The following SV2C variants were observed in gnomAD, a reference collection of about 807,000 sequenced individuals.
The protein encoded by SV2C is synaptic vesicle glycoprotein 2C.
A neutral mutation model predicts 79.7 loss-of-function variants in SV2C; 49 were observed. That is an observed-to-expected ratio of 0.61 (90% CI 0.49 to 0.78). The LOEUF (loss-of-function observed/expected upper bound fraction) is 0.78, where lower values mean the gene tolerates loss of function less well. Among genes scored for constraint, SV2C ranks in the 30% least tolerant of loss-of-function variants. The pLI is 0.00. For missense variants in SV2C, 833 were observed against 912.9 expected, an observed-to-expected ratio of 0.91 and a Z score of 1.13; for synonymous variants, 334 against 333.2, an observed-to-expected ratio of 1.00 and a Z score of -0.03.
chr5:76,165,230 C>T (rs955776361), intron 2 of SV2C, among the ~76,000 whole-genome samples: 1 of 152,122 alleles, frequency 6.6e-6, no homozygotes, highest in Non-Finnish European at 1.5e-5. Flanking sequence ...CAGCTTCCCC[C>T]AATGATAATA....
intron 4 of SV2C, among the ~76,000 whole-genome samples, chr5:76,219,212 G>A (rs186895660): frequency 7.9e-4 from 120 of 152,300 alleles, no homozygotes; most frequent in African/African-American, 2.8e-3. Flanking sequence ...TGCTCAAGAG[G>A]CAGAGTAAGA....
At chr5:76,195,674 T>G (rs1744251263) in intron 3 of SV2C, among the ~76,000 whole-genome samples, 1 of 152,134 alleles carries the variant, frequency 6.6e-6, no homozygotes, top group Admixed American at 6.5e-5. Context: ...TTTAAAGAGC[T>G]TAAAGCACTT....
chr5:76,147,170 C>A (rs1295657040), intron 2 of SV2C, among the ~76,000 whole-genome samples: 2 of 152,100 alleles, frequency 1.3e-5, no homozygotes, highest in African/African-American at 4.8e-5. Context: ...GTAATCAATA[C>A]CATTGAATTG....
chr5:76,285,609 CT>C (rs1290601078), intron 5 of SV2C, 171 bp from the exon 6 acceptor site: 5 of 619,214 alleles, frequency 8.1e-6, no homozygotes, highest in Non-Finnish European at 1.4e-5. Flanking sequence ...ATTATTTGAA[CT>C]GCTCATGTAT....
intron 12 of SV2C, among the ~76,000 whole-genome samples, chr5:76,339,498 A>C (rs1386691760): frequency 6.6e-6 from 1 of 152,144 alleles, no homozygotes; most frequent in African/African-American, 2.4e-5. Flanking sequence ...GCGGATCACG[A>C]GGTCAGGAGA....
intron 10 of SV2C, among the ~76,000 whole-genome samples, chr5:76,299,481 G>A (rs1160460469): frequency 6.6e-6 from 1 of 152,216 alleles, no homozygotes; most frequent in Non-Finnish European, 1.5e-5. Context: ...GGAAAGTTAA[G>A]TAATTTGTCC....
Position 76,121,311 on chromosome 5 carries a change from C to T in SV2C, c.-101-10339C>T, listed in dbSNP as rs1449239777. On this transcript the variant is annotated intron_variant, in intron 1 of 12. Coordinates refer to ENST00000502798, the MANE Select transcript of SV2C (RefSeq NM_014979.4). ...AGGTTGCAAAAATTTTCTCCCATCCCATAGGTTGCCTGTTCATTCTGATGG... is the reference window on the plus strand; with the variant it reads ...AGGTTGCAAAAATTTTCTCCCATCCTATAGGTTGCCTGTTCATTCTGATGG... 9.6e-3 allele frequency among the ~76,000 whole-genome samples: 1,451 copies of T among 151,936 alleles called. 31 individuals are homozygous for T. The highest frequency in any genetic ancestry group is 0.033 in the African/African-American group (1,369 of 41,314).
chr5:75,856,635 C>T, the SV2C span, among the ~76,000 whole-genome samples: 3 of 152,068 alleles, frequency 2.0e-5, no homozygotes, highest in African/African-American at 4.8e-5. Flanking sequence ...TTTTAAAAAT[C>T]GGATTATTAC....
At chr5:76,036,517 T>C in the SV2C span, among the ~76,000 whole-genome samples, 1 of 152,130 alleles carries the variant, frequency 6.6e-6, no homozygotes, top group East Asian at 1.9e-4. Context: ...TTAGTTTGGC[T>C]GGATATGAAA....
At chr5:76,083,187 C>T (rs1211123324), upstream of SV2C, 2 of 152,408 alleles carry the variant, frequency 1.3e-5, no homozygotes, top group Non-Finnish European at 2.9e-5. Context: ...GCCGGAGCAC[C>T]GCGAGTGGCG....
At chr5:75,923,165 A>G in the SV2C span, among the ~76,000 whole-genome samples, 74,003 of 151,992 alleles carry the variant, frequency 0.49, 18,174 homozygotes, top group East Asian at 0.64. Flanking sequence ...CATAAAGTGG[A>G]GAAAGGACAC....
chr5:75,871,731 C>T, the SV2C span, among the ~76,000 whole-genome samples: 193 of 151,170 alleles, frequency 1.3e-3, no homozygotes, highest in Middle Eastern at 0.027. Flanking sequence ...TTGCTTGAAC[C>T]GGGGAGTCAG....
At chr5:75,934,621 C>G in the SV2C span, among the ~76,000 whole-genome samples, 17 of 152,214 alleles carry the variant, frequency 1.1e-4, no homozygotes, top group East Asian at 3.3e-3. Context: ...TGGTTTCTTT[C>G]TTTCCTTGTT....
intron 1 of SV2C, among the ~76,000 whole-genome samples, chr5:76,129,223 A>G (rs1017410556): frequency 1.3e-5 from 2 of 152,238 alleles, no homozygotes; most frequent in African/African-American, 4.8e-5. Flanking sequence ...ATATCTACAA[A>G]CATCTAATTT....
the SV2C span, among the ~76,000 whole-genome samples, chr5:75,930,375 GT>G: frequency 6.6e-6 from 1 of 152,200 alleles, no homozygotes; most frequent in South Asian, 2.1e-4. Flanking sequence ...AGGAGCGCCA[GT>G]TTTTTTCTGT....
At chr5:76,040,054 T>C in the SV2C span, among the ~76,000 whole-genome samples, 2 of 152,230 alleles carry the variant, frequency 1.3e-5, no homozygotes, top group African/African-American at 4.8e-5. Context: ...CGTATATGTG[T>C]ATTAATTTAT....
At chr5:75,947,192 A>G in the SV2C span, among the ~76,000 whole-genome samples, 1 of 152,110 alleles carries the variant, frequency 6.6e-6, no homozygotes, top group African/African-American at 2.4e-5. Context: ...TAATCAGTAT[A>G]GAGGATGAAG....
chr5:75,998,669 T>C, the SV2C span, among the ~76,000 whole-genome samples: 9 of 151,134 alleles, frequency 6.0e-5, no homozygotes, highest in African/African-American at 2.2e-4. Flanking sequence ...TGAATGTGTA[T>C]GTGTGTGGGT....
At chr5:76,276,305 C>T (rs1251318609) in intron 4 of SV2C, among the ~76,000 whole-genome samples, 1 of 152,206 alleles carries the variant, frequency 6.6e-6, no homozygotes, top group African/African-American at 2.4e-5. Context: ...TTGAGGCCCT[C>T]ATGGTGTCTA....
Sources: allele counts gnomAD v4.1 joint callset (sites outside exome capture counted in the v4.1 genomes callset), GRCh38; gene constraint gnomAD v4.1.1; transcripts MANE v1.5; gene names NCBI Gene and HGNC (gene_info 2026-07-23, HGNC 2026-07-21).